The following CNTN5 variants were observed in gnomAD, a reference collection of about 807,000 sequenced individuals.
The protein encoded by CNTN5 is contactin-5.
In CNTN5, 77 loss-of-function variants were observed where a neutral mutation model predicts 129.1. The observed-to-expected ratio is 0.60, with a 90% confidence interval of 0.50 to 0.72. The LOEUF is 0.72. Among genes scored for constraint, CNTN5 ranks in the 30% least tolerant of loss-of-function variants. CNTN5 has a pLI of 0.00. For synonymous variants in CNTN5, 509 were observed against 465.6 expected, an observed-to-expected ratio of 1.09 and a Z score of -1.20; for missense variants, 1,478 against 1,328.8, an observed-to-expected ratio of 1.11 and a Z score of -1.75.
chr11:99,634,349 C>G (rs746168264), intron 3 of CNTN5, among the ~76,000 whole-genome samples: 9 of 152,060 alleles, frequency 5.9e-5, no homozygotes, highest in African/African-American at 1.2e-4. Context: ...GCACATATTA[C>G]TAACAAGTCA....
At chr11:100,068,742 A>G (rs1422751272) in intron 10 of CNTN5, among the ~76,000 whole-genome samples, 1 of 152,230 alleles carries the variant, frequency 6.6e-6, no homozygotes, top group South Asian at 2.1e-4. Context: ...TTGCAGGCTT[A>G]GAAGCTGAAT....
intron 8 of CNTN5, among the ~76,000 whole-genome samples, chr11:99,980,533 A>T (rs1050039443): frequency 6.6e-6 from 1 of 152,172 alleles, no homozygotes; most frequent in Non-Finnish European, 1.5e-5. Flanking sequence ...GCGCACAAAC[A>T]GAACTAGGAC....
intron 3 of CNTN5, among the ~76,000 whole-genome samples, chr11:99,607,857 A>T (rs12804656): frequency 7.7e-6 from 1 of 129,504 alleles, no homozygotes; most frequent in Admixed American, 8.2e-5. Flanking sequence ...AGAACAAAAA[A>T]CCAAACACCG....
intron 2 of CNTN5, among the ~76,000 whole-genome samples, chr11:99,424,330 G>A (rs183457464): frequency 2.6e-5 from 4 of 152,314 alleles, no homozygotes; most frequent in Non-Finnish European, 5.9e-5. Flanking sequence ...ACAAAGTGTC[G>A]TGGGATCTGG....
intron 12 of CNTN5, 83 bp downstream of exon 12, chr11:100,071,917 T>A (rs1170721767): frequency 8.2e-7 from 1 of 1,226,226 alleles, no homozygotes; most frequent in African/African-American, 1.5e-5. Flanking sequence ...TGAAGGTTTA[T>A]GATGTGGTTG....
intron 2 of CNTN5, among the ~76,000 whole-genome samples, chr11:99,345,676 T>G (rs755594721): frequency 1.6e-4 from 25 of 152,222 alleles, no homozygotes; most frequent in Non-Finnish European, 3.2e-4. Flanking sequence ...GAAGATATGT[T>G]AAGAATGATA....
At chr11:99,622,340 T>C (rs1275004626) in intron 3 of CNTN5, among the ~76,000 whole-genome samples, 1 of 152,108 alleles carries the variant, frequency 6.6e-6, no homozygotes, top group African/African-American at 2.4e-5. Flanking sequence ...AGCCCTATAG[T>C]ATGACTAAAG....
chr11:100,305,252 G>T (rs902694765), intron 20 of CNTN5, among the ~76,000 whole-genome samples: 1 of 151,504 alleles, frequency 6.6e-6, no homozygotes, highest in Non-Finnish European at 1.5e-5. Flanking sequence ...ATGAGAGCAT[G>T]GATTTAAAAC....
At chr11:99,666,426 C>T (rs975378520) in intron 3 of CNTN5, among the ~76,000 whole-genome samples, 5 of 152,050 alleles carry the variant, frequency 3.3e-5, no homozygotes, top group Non-Finnish European at 7.4e-5. Context: ...AGACTTTCTC[C>T]GAGGTTGGTT....
intron 2 of CNTN5, among the ~76,000 whole-genome samples, chr11:99,441,768 T>C (rs1943837490): frequency 6.6e-6 from 1 of 152,204 alleles, no homozygotes; most frequent in South Asian, 2.1e-4. Flanking sequence ...CTAAAACAGT[T>C]TGGTAATCTT....
At position 100,046,179 on chromosome 11, in the gene CNTN5, C is replaced by G. The variant is rs145041359; in HGVS notation, c.981-15033C>G. Among the ~76,000 whole-genome samples, 1,077 of 151,872 alleles carry G rather than the reference C, an allele frequency of 7.1e-3. 17 individuals are homozygous for G. Among genetic ancestry groups the G allele is most frequent in the African/African-American group, 0.024 (974 of 41,356 alleles). ...GGAGGGATAGCTTTAGGAGATATACCTAATGCTAAATGATGAGTTAATGGG... is the reference window on the plus strand; with the variant it reads ...GGAGGGATAGCTTTAGGAGATATACGTAATGCTAAATGATGAGTTAATGGG... On this transcript the variant is annotated intron_variant, in intron 9 of 24. Transcript: ENST00000524871.
chr11:100,070,635 A>C (rs577036775), intron 11 of CNTN5, 75 bp downstream of exon 11: 1 of 1,416,658 alleles, frequency 7.1e-7, no homozygotes, highest in African/African-American at 1.4e-5. Context: ...AGGCTTCTTT[A>C]GTCTTATTGA....
intron 2 of CNTN5, among the ~76,000 whole-genome samples, chr11:99,525,174 T>C (rs1461581046): frequency 6.6e-6 from 1 of 152,010 alleles, no homozygotes; most frequent in Non-Finnish European, 1.5e-5. Flanking sequence ...GGAAGACCTA[T>C]CTTCTAGCAA....
intron 1 of CNTN5, among the ~76,000 whole-genome samples, chr11:99,033,280 A>G (rs1863502557): frequency 6.6e-6 from 1 of 151,994 alleles, no homozygotes; most frequent in African/African-American, 2.4e-5. Context: ...TGAACTTTAA[A>G]GTAGTTTTTT....
chr11:99,453,762 A>C (rs1235499737), intron 2 of CNTN5, among the ~76,000 whole-genome samples: 3 of 152,168 alleles, frequency 2.0e-5, no homozygotes, highest in Admixed American at 2.0e-4. Context: ...GTTAGGAAGA[A>C]ATTAGAAAAA....
intron 13 of CNTN5, among the ~76,000 whole-genome samples, chr11:100,152,403 C>T (rs532296231): frequency 1.2e-4 from 18 of 152,202 alleles, no homozygotes; most frequent in Middle Eastern, 6.8e-3. Flanking sequence ...TTCTAATTCA[C>T]GTACTGCCAA....
chr11:99,528,648 A>C (rs1465761828), intron 2 of CNTN5, among the ~76,000 whole-genome samples: 1 of 152,232 alleles, frequency 6.6e-6, no homozygotes, highest in East Asian at 1.9e-4. Context: ...CACTTTGAGA[A>C]CCAGAGAAGC....
At chr11:99,098,550 C>T (rs906354530) in intron 1 of CNTN5, among the ~76,000 whole-genome samples, 12 of 152,014 alleles carry the variant, frequency 7.9e-5, no homozygotes, top group South Asian at 2.1e-4. Context: ...AGGTTTTCAT[C>T]GTCTGACTTT....
intron 1 of CNTN5, among the ~76,000 whole-genome samples, chr11:99,188,268 T>A (rs1858455304): frequency 6.6e-6 from 1 of 151,766 alleles, no homozygotes; most frequent in African/African-American, 2.4e-5. Context: ...CACTTCCTAT[T>A]TTGGCAGTCT....
Sources: allele counts gnomAD v4.1 joint callset (sites outside exome capture counted in the v4.1 genomes callset), GRCh38; gene constraint gnomAD v4.1.1; transcripts MANE v1.5; gene names NCBI Gene and HGNC (gene_info 2026-07-23, HGNC 2026-07-21).